TIAM1: variants seen among roughly 807,000 people sequenced by gnomAD.
The protein encoded by TIAM1 is rho guanine nucleotide exchange factor TIAM1.
Under a neutral mutation model 163.5 loss-of-function variants are expected in TIAM1, and 65 were observed. The observed-to-expected ratio is 0.40, with a 90% CI of 0.33 to 0.49. TIAM1 has a LOEUF of 0.49. TIAM1 is among the 20% of genes least tolerant of loss of function. TIAM1 has a pLI of 0.77. For missense variants in TIAM1, 1,789 were observed against 2,044.7 expected (o/e 0.87, Z 2.41); for synonymous variants, 833 against 810.1 (o/e 1.03, Z -0.48).
intron 2 of TIAM1, among the ~76,000 whole-genome samples, chr21:31,289,139 T>C (rs903710016): frequency 2.0e-5 from 3 of 152,236 alleles, no homozygotes; most frequent in Non-Finnish European, 4.4e-5. Context: ...TCTGTGAGTG[T>C]ATAAAATAAG....
chr21:31,527,832 A>G (rs2047836684), intron 1 of TIAM1, among the ~76,000 whole-genome samples: 1 of 152,090 alleles, frequency 6.6e-6, no homozygotes, highest in Non-Finnish European at 1.5e-5. Flanking sequence ...CAGTCTCTCA[A>G]TGTTGATCAC....
intron 2 of TIAM1, among the ~76,000 whole-genome samples, chr21:31,297,730 T>C (rs2074340215): frequency 6.6e-6 from 1 of 152,152 alleles, no homozygotes; most frequent in Non-Finnish European, 1.5e-5. Context: ...TGAAAACAGT[T>C]ACAATGGCCA....
chr21:31,170,713 C>A (rs1485114606), intron 15 of TIAM1, among the ~76,000 whole-genome samples: 1 of 151,842 alleles, frequency 6.6e-6, no homozygotes, highest in Non-Finnish European at 1.5e-5. Flanking sequence ...ATCATAAAGT[C>A]AAAAAATCAT....
chr21:31,327,856 C>T (rs896916117), intron 2 of TIAM1, among the ~76,000 whole-genome samples: 7 of 151,986 alleles, frequency 4.6e-5, no homozygotes, highest in African/African-American at 1.7e-4. Context: ...CTCCTCCCAA[C>T]GCAGCTGTCA....
At chr21:31,297,102 A>G (rs1473550250) in intron 2 of TIAM1, among the ~76,000 whole-genome samples, 4 of 152,214 alleles carry the variant, frequency 2.6e-5, no homozygotes, top group African/African-American at 9.6e-5. Flanking sequence ...ATGCTATGTA[A>G]AAGAATGGCA....
chr21:31,432,939 G>A (rs1180663537), intron 2 of TIAM1, among the ~76,000 whole-genome samples: 1 of 152,280 alleles, frequency 6.6e-6, no homozygotes, highest in Non-Finnish European at 1.5e-5. Flanking sequence ...AATGATAAAA[G>A]GGGCATTGGA....
intron 11 of TIAM1, among the ~76,000 whole-genome samples, chr21:31,203,846 TC>T (rs796842529): frequency 4.6e-5 from 7 of 152,322 alleles, no homozygotes; most frequent in African/African-American, 1.7e-4. Flanking sequence ...CTTTTGGACT[TC>T]AATCTTATTT....
chr21:31,399,649 C>G (rs1315682154), intron 2 of TIAM1, among the ~76,000 whole-genome samples: 2 of 152,062 alleles, frequency 1.3e-5, no homozygotes, highest in Non-Finnish European at 2.9e-5. Flanking sequence ...GATGAGTAAA[C>G]CATAGCTGTT....
intron 3 of TIAM1, among the ~76,000 whole-genome samples, chr21:31,271,807 A>C (rs1255155495): frequency 6.6e-6 from 1 of 152,148 alleles, no homozygotes; most frequent in Non-Finnish European, 1.5e-5. Context: ...TATGGGGTCA[A>C]AGCATCAGGA....
At position 31,251,834 on chromosome 21, in the gene TIAM1, A is replaced by T; in HGVS notation, c.1319T>A (p.Leu440Gln). The T allele has an allele frequency of 1.2e-6, 2 of 1,613,636 alleles. No homozygotes were observed. The highest frequency in any genetic ancestry group is 1.7e-6 in the Non-Finnish European group (2 of 1,179,720). Residue 440 changes from leucine (L) to glutamine (Q), a missense_variant, in exon 5 of 28, where the codon CTG becomes CAG. This residue lies in a region of TIAM1 where 456 missense variants were observed against 586.6 expected (regional missense o/e 0.78). Coordinates refer to ENST00000541036, the MANE Select transcript of TIAM1 (RefSeq NM_001353694.2). The stretch of plus-strand genomic sequence containing the variant: ...GTGCACCAGGAAGTTCTTGACGGCC[A>T]GGGCGCCGGCCTTGCGCACCGTGCC... ...AQGTVRKAGA[L>Q]AVKNFLVHKK...
chr21:31,297,231 A>T (rs1569181394), intron 2 of TIAM1, among the ~76,000 whole-genome samples: 1 of 152,246 alleles, frequency 6.6e-6, no homozygotes, highest in African/African-American at 2.4e-5. Context: ...AAAGAGGACA[A>T]ATACTGTATG....
chr21:31,489,812 C>T (rs908801214), intron 1 of TIAM1, among the ~76,000 whole-genome samples: 7 of 152,208 alleles, frequency 4.6e-5, no homozygotes, highest in African/African-American at 1.7e-4. Flanking sequence ...TCCCCCTCCC[C>T]TCCCCATCCC....
At chr21:31,503,914 C>T (rs781586445) in intron 1 of TIAM1, among the ~76,000 whole-genome samples, 1 of 151,768 alleles carries the variant, frequency 6.6e-6, no homozygotes, top group Non-Finnish European at 1.5e-5. Context: ...ATTCTAAGCA[C>T]GATTTGATAG....
At chr21:31,140,925 A>C (rs149318349) in intron 22 of TIAM1, among the ~76,000 whole-genome samples, 193 bp downstream of exon 22, 125 of 152,380 alleles carry the variant, frequency 8.2e-4, no homozygotes, top group Admixed American at 9.8e-4. Flanking sequence ...TCCTACAGGA[A>C]GAAATAGTCC....
chr21:31,529,906 G>A (rs1187322512), intron 1 of TIAM1, among the ~76,000 whole-genome samples: 3 of 152,218 alleles, frequency 2.0e-5, no homozygotes, highest in Admixed American at 1.3e-4. Flanking sequence ...TGTCATCTCC[G>A]CGGAAGTGTC....
At position 31,320,724 on chromosome 21, in the gene TIAM1, C is replaced by T. The variant is rs189848322; in HGVS notation, c.-189+18519G>A. ...AAAAGGAGAGTTGGGCTGGGCGCGG[C>T]GGCTCACGCCTGTAATCCCAGCACT... is the stretch of plus-strand genomic sequence containing the variant. On this transcript the variant is annotated intron_variant, in intron 2 of 27. Coordinates refer to ENST00000541036, the MANE Select transcript of TIAM1 (RefSeq NM_001353694.2). Among the ~76,000 whole-genome samples the T allele has an allele frequency of 2.4e-4, 36 of 152,228 alleles. No homozygotes were observed. In the East Asian group the frequency reaches 6.0e-3, roughly 25 times the overall value.
At chr21:31,286,334 C>G (rs1331454902) in intron 2 of TIAM1, among the ~76,000 whole-genome samples, 1 of 152,052 alleles carries the variant, frequency 6.6e-6, no homozygotes, top group Non-Finnish European at 1.5e-5. Context: ...GAGGCTGAGG[C>G]AGGAGGACGA....
At chr21:31,494,363 C>T (rs1321875169) in intron 1 of TIAM1, among the ~76,000 whole-genome samples, 5 of 152,188 alleles carry the variant, frequency 3.3e-5, no homozygotes. Flanking sequence ...AAGACAAACC[C>T]TCCCTTTTCC....
intron 2 of TIAM1, among the ~76,000 whole-genome samples, chr21:31,280,986 G>A (rs988386512): frequency 1.7e-4 from 25 of 147,476 alleles, no homozygotes; most frequent in Non-Finnish European, 3.1e-4. Context: ...GTGTGGTGGC[G>A]TATGTGTACT....
Sources: gnomAD v4.1 joint callset for allele counts (sites outside exome capture counted in the v4.1 genomes callset) on GRCh38, gnomAD v4.1.1 for gene constraint, gnomAD v4.1.1 regional missense constraint, MANE v1.5 for transcripts, NCBI Gene and HGNC (gene_info 2026-07-23, HGNC 2026-07-21) for gene names.